Variants in FBXL2 observed in about 807,000 individuals in gnomAD.
FBXL2 encodes F-box/LRR-repeat protein 2.
A neutral mutation model predicts 69.2 loss-of-function variants in FBXL2; 38 were observed. The ratio of observed to expected loss-of-function variants is 0.55; its 90% CI spans 0.42 to 0.72. The LOEUF (loss-of-function observed/expected upper bound fraction) is 0.72. Ranked by LOEUF, FBXL2 falls within the 30% of genes least tolerant of loss-of-function variation. FBXL2 has a pLI of 0.00. For missense variants in FBXL2, 354 were observed against 520.3 expected, an observed-to-expected ratio of 0.68 and a Z score of 3.11; for synonymous variants, 192 against 201.3, an observed-to-expected ratio of 0.95 and a Z score of 0.39.
At chr3:33,367,142 C>G (rs2042005373) in intron 5 of FBXL2, among the ~76,000 whole-genome samples, 1 of 151,668 alleles carries the variant, frequency 6.6e-6, no homozygotes, top group Non-Finnish European at 1.5e-5. Context: ...GTTGCCCAGG[C>G]TGGAGTGCAA....
chr3:33,394,900 A>T (rs2043914794), intron 12 of FBXL2, among the ~76,000 whole-genome samples: 1 of 150,308 alleles, frequency 6.7e-6, no homozygotes. Context: ...CTATTTTAGC[A>T]CTACAATCAC....
At chr3:33,384,366 G>C (rs1036156195) in intron 14 of FBXL2, among the ~76,000 whole-genome samples, 165 bp downstream of exon 14, 1 of 152,074 alleles carries the variant, frequency 6.6e-6, no homozygotes. Context: ...TTCAAGACCA[G>C]TCTGGTCAAA....
chr3:33,419,628 C>CAA, the FBXL2 span, among the ~76,000 whole-genome samples: 23,631 of 100,394 alleles, frequency 0.24, 2,483 homozygotes, highest in East Asian at 0.53. Context: ...GACTCCATCT[C>CAA]AAAAAAAAAA....
At position 33,387,048 on chromosome 3, in the gene FBXL2, T is replaced by G. The variant is rs1284569836; in HGVS notation, c.*1440T>G. ...AGAAGCAGATTATATATATATATAA[T>G]CTCCCCATAAACGGACTTAGCACAA... On this transcript the variant is annotated 3_prime_UTR_variant, in exon 15 of 15. Coordinates refer to ENST00000484457, the MANE Select transcript of FBXL2 (RefSeq NM_012157.5). 1 of 152,200 alleles carries G rather than the reference T, an allele frequency of 6.6e-6. No homozygotes were observed. Among genetic ancestry groups the G allele is most frequent in the African/African-American group, 2.4e-5 (1 of 41,442 alleles). The allele number at this position is 152,200 out of a possible 1,614,324, so 9.4% of individuals were successfully genotyped here.
intron 2 of FBXL2, among the ~76,000 whole-genome samples, chr3:33,313,085 A>C (rs2037356602): frequency 6.6e-6 from 1 of 151,516 alleles, no homozygotes; most frequent in African/African-American, 2.4e-5. Context: ...GTGCCACTGC[A>C]CTCAGCCTGG....
chr3:33,370,461 A>G (rs545310194), intron 5 of FBXL2, among the ~76,000 whole-genome samples: 1 of 151,344 alleles, frequency 6.6e-6, no homozygotes, highest in South Asian at 2.1e-4. Context: ...TGTAGTGACT[A>G]TTTTTTGTTT....
At chr3:33,368,004 T>C (rs1016970757) in intron 5 of FBXL2, among the ~76,000 whole-genome samples, 4 of 152,210 alleles carry the variant, frequency 2.6e-5, no homozygotes, top group African/African-American at 9.7e-5. Flanking sequence ...TTTCCAAATA[T>C]TTGGACATTT....
At chr3:33,330,458 A>G (rs1485283837) in intron 2 of FBXL2, among the ~76,000 whole-genome samples, 1 of 152,216 alleles carries the variant, frequency 6.6e-6, no homozygotes, top group Non-Finnish European at 1.5e-5. Flanking sequence ...ATAGTTAACA[A>G]TAATCTATTG....
At chr3:33,357,622 C>T (rs1055858681) in intron 2 of FBXL2, among the ~76,000 whole-genome samples, 2 of 151,624 alleles carry the variant, frequency 1.3e-5, no homozygotes, top group Non-Finnish European at 2.9e-5. Flanking sequence ...CTCCGCCTCC[C>T]GGGTTCACGC....
intron 2 of FBXL2, among the ~76,000 whole-genome samples, chr3:33,320,923 G>T (rs2038148040): frequency 6.6e-6 from 1 of 152,236 alleles, no homozygotes; most frequent in South Asian, 2.1e-4. Flanking sequence ...AAAGATACTT[G>T]TAGTACATAA....
chr3:33,335,911 CTAAA>C (rs1559560369), intron 2 of FBXL2, among the ~76,000 whole-genome samples: 1 of 152,060 alleles, frequency 6.6e-6, no homozygotes, highest in East Asian at 1.9e-4. Flanking sequence ...TTACCTAAGA[CTAAA>C]TATAACTTTG....
At chr3:33,368,181 T>C (rs1474466033) in intron 5 of FBXL2, among the ~76,000 whole-genome samples, 3 of 152,234 alleles carry the variant, frequency 2.0e-5, no homozygotes. Context: ...ATTCTGCTGT[T>C]AGATGAAGTG....
chr3:33,297,552 AT>A, intron 1 of FBXL2, 111 bp from the exon 2 acceptor site: 2 of 642,904 alleles, frequency 3.1e-6, no homozygotes, highest in South Asian at 3.6e-5. Flanking sequence ...GTCACACCCT[AT>A]TTGTAGGACA....
At chr3:33,404,463 G>A (rs1288247669), downstream of FBXL2, among the ~76,000 whole-genome samples, 1 of 149,142 alleles carries the variant, frequency 6.7e-6, no homozygotes, top group Non-Finnish European at 1.5e-5. Context: ...CTCTCCCAAA[G>A]CCAAGCTAAA....
chr3:33,323,381 T>A (rs982832212), intron 2 of FBXL2, among the ~76,000 whole-genome samples: 1 of 152,180 alleles, frequency 6.6e-6, no homozygotes, highest in African/African-American at 2.4e-5. Context: ...TACATAGGTA[T>A]ACACATGCCA....
chr3:33,377,537 G>C (rs752978199), intron 11 of FBXL2, among the ~76,000 whole-genome samples: 20 of 152,186 alleles, frequency 1.3e-4, no homozygotes, highest in Admixed American at 3.3e-4. Context: ...TAAAGAGTCT[G>C]AGCCTCACGC....
intron 12 of FBXL2, chr3:33,396,968 A>C: frequency 7.4e-7 from 1 of 1,358,558 alleles, no homozygotes; most frequent in Non-Finnish European, 1.0e-6. Flanking sequence ...CCTAGCGTGG[A>C]AACACATTCT....
At chr3:33,378,031 G>A (rs1048389856) in intron 11 of FBXL2, 72 bp from the exon 12 acceptor site, 24 of 1,437,076 alleles carry the variant, frequency 1.7e-5, no homozygotes, top group Admixed American at 3.3e-5. Flanking sequence ...ATACTCAGAG[G>A]GATAGGGCAA....
chr3:33,332,566 G>A (rs2039251610), intron 2 of FBXL2, among the ~76,000 whole-genome samples: 1 of 152,218 alleles, frequency 6.6e-6, no homozygotes, highest in Non-Finnish European at 1.5e-5. Flanking sequence ...TTGTGGTATA[G>A]TCATGCGTCA....
Sources: allele counts gnomAD v4.1 joint callset (sites outside exome capture counted in the v4.1 genomes callset), GRCh38; gene constraint gnomAD v4.1.1; transcripts MANE v1.5; gene names NCBI Gene and HGNC (gene_info 2026-07-23, HGNC 2026-07-21).